Variants in OXCT1 observed in about 807,000 individuals in gnomAD.
OXCT1 encodes the protein 3-oxoacid CoA-transferase 1, also known as succinyl-CoA:3-ketoacid coenzyme A transferase 1, mitochondrial.
A neutral mutation model predicts 69.6 loss-of-function variants in OXCT1; 27 were observed. That is an observed-to-expected ratio of 0.39 (90% CI 0.29 to 0.54). The LOEUF is 0.54. OXCT1 is among the 20% of genes least tolerant of loss of function. The pLI is 0.72. For missense variants in OXCT1, 437 were observed against 650.2 expected (o/e 0.67, Z 3.57); for synonymous variants, 202 against 217.8 (o/e 0.93, Z 0.64).
chr5:41,836,795 C>A (rs1561116855), intron 7 of OXCT1, among the ~76,000 whole-genome samples: 1 of 152,140 alleles, frequency 6.6e-6, no homozygotes, highest in Non-Finnish European at 1.5e-5. Context: ...ACTGTGCGGC[C>A]CAGTTCCTAA....
At position 41,794,660 on chromosome 5, in the gene OXCT1, G is replaced by T. The variant is rs377366588; in HGVS notation, c.1172+17C>A. On this transcript the variant is annotated intron_variant, in intron 12 of 16. Transcript: ENST00000196371. ...TTCCATACTGTCTGAAACATGAGGG[G>T]CTCTGTTATTACATACCCTCTAATC... The T allele has an allele frequency of 1.9e-5, 30 of 1,607,306 alleles. No homozygotes were observed. Among genetic ancestry groups the T allele is most frequent in the African/African-American group, 2.7e-5 (2 of 74,794 alleles).
intron 15 of OXCT1, among the ~76,000 whole-genome samples, chr5:41,743,790 A>G (rs984216724): frequency 6.6e-6 from 1 of 152,148 alleles, no homozygotes; most frequent in Non-Finnish European, 1.5e-5. Context: ...AGATAGTTGT[A>G]CATATGTGGC....
At chr5:41,863,508 T>C (rs1749835577) in intron 1 of OXCT1, among the ~76,000 whole-genome samples, 2 of 152,090 alleles carry the variant, frequency 1.3e-5, no homozygotes, top group Admixed American at 1.3e-4. Context: ...TGTGATACTA[T>C]CCCCCTCTTC....
rs1295296744 is a variant in OXCT1, at chr5:41,749,519, CT to C, written c.1419+7del. 6.3e-7 allele frequency: 1 copy of C among 1,586,760 alleles called. No homozygotes were observed. Among genetic ancestry groups the C allele is most frequent in the South Asian group, 1.1e-5 (1 of 90,236 alleles). Reference sequence around the variant, plus strand: ...AAACATGGTAATAGTAGAAAAAGCACTTTTTACCTTTTCAGTAATAATGCGG... The same window carrying C: ...AAACATGGTAATAGTAGAAAAAGCACTTTTACCTTTTCAGTAATAATGCGG... On this transcript the variant is annotated splice_region_variant and intron_variant, in intron 15 of 16. Transcript: ENST00000196371.
intron 13 of OXCT1, among the ~76,000 whole-genome samples, chr5:41,765,733 C>A (rs145347390): frequency 2.8e-4 from 43 of 152,196 alleles, no homozygotes; most frequent in African/African-American, 9.6e-4. Flanking sequence ...CACTGCTTGA[C>A]ATTTTGCAGA....
intron 15 of OXCT1, among the ~76,000 whole-genome samples, chr5:41,740,510 T>C (rs1179639567): frequency 2.0e-5 from 3 of 152,228 alleles, no homozygotes; most frequent in African/African-American, 7.2e-5. Flanking sequence ...GTGTTGGTAG[T>C]GCCAATTGGT....
chr5:41,850,084 C>T lies in OXCT1; in HGVS notation c.510G>A (p.Ser170=), dbSNP rs751233853. 23 of 1,613,776 alleles carry T rather than the reference C, an allele frequency of 1.4e-5. No homozygotes were observed. The highest frequency in any genetic ancestry group is 9.9e-5 in the South Asian group (9 of 91,080). Residue 170 remains serine, a synonymous_variant, in exon 5 of 17, where the codon TCG becomes TCA. Transcript: ENST00000196371. ...GYGTLVQEGG[S]PIKYNKDGSV... is the part of the protein sequence containing the mutation. Reference sequence around the variant, plus strand: ...TGCCATCTTTGTTGTATTTGATGGGCGATCCTCCTTCTTGTACCAGGGTCC... The same window carrying T: ...TGCCATCTTTGTTGTATTTGATGGGTGATCCTCCTTCTTGTACCAGGGTCC...
rs1364328200 is a variant in OXCT1, at chr5:41,731,449, A to G, written c.*280T>C. ...GAAAGGTTCATATAATTTAGCATAC[A>G]TACCATATTCAGTGAAAATGCATTC... On this transcript the variant is annotated 3_prime_UTR_variant, in exon 17 of 17. Coordinates refer to ENST00000196371, the MANE Select transcript of OXCT1 (RefSeq NM_000436.4). 1 of 1,006,156 alleles carries G rather than the reference A, an allele frequency of 9.9e-7. No individual in the cohort carries two copies. The highest frequency in any genetic ancestry group is 4.3e-5 in the East Asian group (1 of 23,352). 62.3% of individuals were successfully genotyped at this position (1,006,156 alleles called of 1,614,324 possible).
At chr5:41,777,773 C>A (rs1281806071) in intron 13 of OXCT1, among the ~76,000 whole-genome samples, 1 of 152,126 alleles carries the variant, frequency 6.6e-6, no homozygotes, top group Non-Finnish European at 1.5e-5. Context: ...AACTGAAAGC[C>A]ATGATTTATA....
At chr5:41,753,614 C>G (rs557725901) in intron 14 of OXCT1, among the ~76,000 whole-genome samples, 1 of 152,198 alleles carries the variant, frequency 6.6e-6, no homozygotes, top group South Asian at 2.1e-4. Flanking sequence ...CAGTCATGTT[C>G]CCATGGGTGT....
rs1267844665 is a variant in OXCT1, at chr5:41,762,786, C to T, written c.1249-586G>A. Among the ~76,000 whole-genome samples the T allele has an allele frequency of 6.6e-6, 1 of 152,098 alleles. No individual in the cohort carries two copies. Among genetic ancestry groups the T allele is most frequent in the Non-Finnish European group, 1.5e-5 (1 of 68,002 alleles). On this transcript the variant is annotated intron_variant, in intron 13 of 16. Transcript: ENST00000196371. This position sits in a 1 kb window ranked among gnomAD's most constrained non-coding sequence, Gnocchi z 4.0. ...ATTCTTGCTAAGCAAAAACAGAACA[C>T]AGAAACAGAGTTCAGGATCATTTCA...
At chr5:41,791,005 A>G (rs1745890062) in intron 13 of OXCT1, among the ~76,000 whole-genome samples, 1 of 152,182 alleles carries the variant, frequency 6.6e-6, no homozygotes, top group African/African-American at 2.4e-5. Flanking sequence ...AATAGCCACT[A>G]TTTAGAGAGT....
chr5:41,801,040 C>A lies in OXCT1; in HGVS notation c.1081G>T (p.Ala361Ser), dbSNP rs962286457. 3 of 1,612,760 alleles carry A rather than the reference C, an allele frequency of 1.9e-6. No homozygotes were observed. Among genetic ancestry groups the A allele is most frequent in the African/African-American group, 1.3e-5 (1 of 74,872 alleles). Residue 361 changes from alanine to serine, a missense_variant, in exon 11 of 17, where the codon GCA (alanine) becomes TCA (serine). Physicochemically the swap from Ala to Ser is moderately conservative, Grantham distance 99. Coordinates refer to ENST00000196371, the MANE Select transcript of OXCT1 (RefSeq NM_000436.4). ...AGCTTACCTGCATTGATGAGATCTGCATCAGCTTCATGTTGTCGTGGATAT... is the reference window on the plus strand; with the variant it reads ...AGCTTACCTGCATTGATGAGATCTGAATCAGCTTCATGTTGTCGTGGATAT... ...GPYPRQHEAD[A>S]DLINAGKETV...
intron 15 of OXCT1, among the ~76,000 whole-genome samples, chr5:41,742,747 T>C (rs1434893754): frequency 1.3e-5 from 2 of 152,140 alleles, no homozygotes; most frequent in Non-Finnish European, 2.9e-5. Flanking sequence ...TCTGTCCTTG[T>C]GACAGTTTGA....
intron 13 of OXCT1, among the ~76,000 whole-genome samples, chr5:41,774,264 T>C (rs940200652): frequency 2.0e-5 from 3 of 152,222 alleles, no homozygotes; most frequent in South Asian, 2.1e-4. Context: ...TGGAAAGTTG[T>C]TTATTATTTA....
rs1440640245 is a variant in OXCT1 at position 41,835,347 on chromosome 5, A to C, written c.732+5104T>G. ...TACTATGTATCCACAAAAATTTAAA[A>C]ATTTTAAAACAATGGCACATGCCAG... On this transcript the variant is annotated intron_variant, in intron 7 of 16. Transcript: ENST00000196371. 3.3e-5 allele frequency among the ~76,000 whole-genome samples: 5 copies of C among 152,270 alleles called. No individual in the cohort carries two copies. The East Asian group carries it at 9.6e-4, about 29-fold the overall frequency.
chr5:41,860,890 T>C (rs1409814291), intron 3 of OXCT1, among the ~76,000 whole-genome samples: 1 of 152,048 alleles, frequency 6.6e-6, no homozygotes, highest in African/African-American at 2.4e-5. Flanking sequence ...AATGATGGCA[T>C]TGCTAAAAGA....
intron 5 of OXCT1, among the ~76,000 whole-genome samples, chr5:41,845,152 A>AC (rs1748835182): frequency 6.6e-6 from 1 of 151,582 alleles, no homozygotes; most frequent in Non-Finnish European, 1.5e-5. Context: ...CAGCCTCACC[A>AC]CCCTCCTGTT....
At chr5:41,739,546 T>C (rs768163396) in intron 15 of OXCT1, 55 bp from the exon 16 acceptor site, 52 of 1,303,796 alleles carry the variant, frequency 4.0e-5, no homozygotes, top group Non-Finnish European at 5.5e-5. Flanking sequence ...ATAATTATTA[T>C]ATGGCACAAA....
Sources: gnomAD v4.1 joint callset for allele counts (sites outside exome capture counted in the v4.1 genomes callset) on GRCh38, gnomAD v4.1.1 for gene constraint, Gnocchi (gnomAD v3.1) non-coding constraint, MANE v1.5 for transcripts, NCBI Gene and HGNC (gene_info 2026-07-23, HGNC 2026-07-21) for gene names.